The following POU6F2 variants were observed in gnomAD, a reference collection of about 807,000 sequenced individuals.
The protein encoded by POU6F2 is POU class 6 homeobox 2, also known as POU domain, class 6, transcription factor 2.
POU6F2 carries 31 observed loss-of-function variants against 71.3 expected under a neutral mutation model. The ratio of observed to expected loss-of-function variants is 0.43; its 90% confidence interval spans 0.33 to 0.59. POU6F2 has a LOEUF of 0.59. POU6F2 is among the 20% of genes least tolerant of loss of function. The probability of loss-of-function intolerance (pLI) is 0.04; values close to 1 mark genes in which losing one functional copy is unlikely to be tolerated. For synonymous variants in POU6F2, 347 were observed against 355.7 expected, an observed-to-expected ratio of 0.98 and a Z score of 0.27; for missense variants, 783 against 856.8, an observed-to-expected ratio of 0.91 and a Z score of 1.07.
intron 2 of POU6F2, among the ~76,000 whole-genome samples, chr7:39,195,141 A>G (rs144685443): frequency 2.0e-5 from 3 of 152,296 alleles, no homozygotes; most frequent in South Asian, 4.1e-4. Flanking sequence ...TCATATTCCT[A>G]TTGTCCCAAT....
At chr7:39,388,512 C>T (rs996124588) in intron 5 of POU6F2, among the ~76,000 whole-genome samples, 1 of 152,172 alleles carries the variant, frequency 6.6e-6, no homozygotes. Context: ...GACAGGGTTT[C>T]ACCACGTTGG....
At chr7:39,389,217 A>T (rs1411496417) in intron 5 of POU6F2, among the ~76,000 whole-genome samples, 1 of 151,892 alleles carries the variant, frequency 6.6e-6, no homozygotes, top group Non-Finnish European at 1.5e-5. Flanking sequence ...TAGCAACATG[A>T]CTATATCATG....
chr7:39,244,310 C>T (rs1783781734), intron 4 of POU6F2, among the ~76,000 whole-genome samples: 1 of 152,140 alleles, frequency 6.6e-6, no homozygotes, highest in South Asian at 2.1e-4. Context: ...GCCCACGCTG[C>T]AAAAACATCT....
intron 5 of POU6F2, among the ~76,000 whole-genome samples, chr7:39,363,344 A>G (rs933350300): frequency 1.3e-5 from 2 of 152,176 alleles, no homozygotes; most frequent in African/African-American, 4.8e-5. Context: ...GGTAAGGAAG[A>G]CAGTGAGAAG....
At chr7:39,415,018 T>A (rs111521387) in intron 6 of POU6F2, among the ~76,000 whole-genome samples, 1 of 79,272 alleles carries the variant, frequency 1.3e-5, no homozygotes, top group Non-Finnish European at 2.7e-5. Flanking sequence ...TCTTTTTAAA[T>A]TTTTTGTTTG....
Position 39,207,434 on chromosome 7 carries a change from G to C in POU6F2, c.412G>C (p.Val138Leu). 6.2e-7 allele frequency: 1 copy of C among 1,613,954 alleles called. No homozygotes were observed. The highest frequency in any genetic ancestry group is 1.1e-5 in the South Asian group (1 of 91,080). Reference sequence around the variant, plus strand: ...GCAGTTAGCTTCTGCTGTGGCCGGCGTGATGCCGGGAGGCCCCCCAGCCCT... The same window carrying C: ...GCAGTTAGCTTCTGCTGTGGCCGGCCTGATGCCGGGAGGCCCCCCAGCCCT... ...AQQLASAVAG[V>L]MPGGPPALNQ... Residue 138 changes from valine (V) to leucine (L), a missense_variant, in exon 4 of 10, where the codon GTG becomes CTG. Around this residue, in one of 2 missense-constraint regions of POU6F2, gnomAD observed 572 missense variants for 572.9 expected, o/e 1.00. Coordinates refer to ENST00000518318, the MANE Select transcript of POU6F2 (RefSeq NM_001370959.1).
chr7:39,220,144 G>T (rs760311212), intron 4 of POU6F2, among the ~76,000 whole-genome samples: 1 of 152,108 alleles, frequency 6.6e-6, no homozygotes, highest in African/African-American at 2.4e-5. Context: ...CAGCAGCCGC[G>T]ACTGGAGTTT....
intron 4 of POU6F2, among the ~76,000 whole-genome samples, chr7:39,220,426 C>G (rs928053973): frequency 2.6e-5 from 4 of 152,258 alleles, no homozygotes; most frequent in Admixed American, 2.6e-4. Context: ...TTTCCAGCCC[C>G]TTGACAAGAG....
chr7:39,199,993 T>C (rs1197433656), intron 2 of POU6F2, among the ~76,000 whole-genome samples: 1 of 152,200 alleles, frequency 6.6e-6, no homozygotes, highest in Non-Finnish European at 1.5e-5. Flanking sequence ...TATTATATTT[T>C]TAAAATTACC....
chr7:39,362,020 T>C (rs1225558195), intron 5 of POU6F2, among the ~76,000 whole-genome samples: 1 of 152,202 alleles, frequency 6.6e-6, no homozygotes, highest in Non-Finnish European at 1.5e-5. Flanking sequence ...CTGGCTGCCA[T>C]TATCTGGTGG....
chr7:39,317,601 T>G (rs1188506164), intron 4 of POU6F2, among the ~76,000 whole-genome samples: 2 of 152,222 alleles, frequency 1.3e-5, no homozygotes, highest in Admixed American at 6.5e-5. Context: ...TAAAAAGAAG[T>G]TTTTGGAGGC....
chr7:39,386,334 G>T (rs985100473), intron 5 of POU6F2, among the ~76,000 whole-genome samples: 1 of 152,034 alleles, frequency 6.6e-6, no homozygotes, highest in African/African-American at 2.4e-5. Flanking sequence ...TCTGCTTCTG[G>T]GTAAACACAC....
chr7:39,385,016 C>A (rs1044743845), intron 5 of POU6F2, among the ~76,000 whole-genome samples: 44 of 152,192 alleles, frequency 2.9e-4, no homozygotes, highest in African/African-American at 1.0e-3. Context: ...TGATTTATAA[C>A]CTGCCTGCAC....
chr7:39,074,749 G>C (rs979766031), intron 1 of POU6F2, among the ~76,000 whole-genome samples: 1 of 152,058 alleles, frequency 6.6e-6, no homozygotes, highest in Admixed American at 6.5e-5. Flanking sequence ...ATCTGATGAA[G>C]GCTAAGGAGC....
At chr7:39,143,418 A>C (rs1253155129) in intron 2 of POU6F2, among the ~76,000 whole-genome samples, 1 of 152,246 alleles carries the variant, frequency 6.6e-6, no homozygotes, top group Non-Finnish European at 1.5e-5. Context: ...GAAGAGTTGA[A>C]GCCAGGTCTA....
chr7:39,140,985 C>T (rs1459061931), intron 2 of POU6F2, among the ~76,000 whole-genome samples: 1 of 151,924 alleles, frequency 6.6e-6, no homozygotes, highest in Admixed American at 6.6e-5. Context: ...GCCTTGTGCT[C>T]CCTTTTGGGA....
chr7:39,425,469 G>T (rs1787947759), intron 6 of POU6F2, among the ~76,000 whole-genome samples: 1 of 151,946 alleles, frequency 6.6e-6, no homozygotes, highest in African/African-American at 2.4e-5. Context: ...CATAACTATT[G>T]TCCCTGTTGG....
chr7:39,044,800 T>TA (rs1217602673), intron 1 of POU6F2, among the ~76,000 whole-genome samples: 1 of 151,954 alleles, frequency 6.6e-6, no homozygotes, highest in African/African-American at 2.4e-5. Flanking sequence ...GAAGAAAAGA[T>TA]ATTTTTCCAT....
intron 2 of POU6F2, among the ~76,000 whole-genome samples, chr7:39,166,421 C>T (rs531786884): frequency 1.3e-5 from 2 of 152,314 alleles, no homozygotes; most frequent in East Asian, 3.9e-4. Context: ...TATTTGATCA[C>T]GTAAACTTTC....
Sources: gnomAD v4.1 joint callset for allele counts (sites outside exome capture counted in the v4.1 genomes callset) on GRCh38, gnomAD v4.1.1 for gene constraint, gnomAD v4.1.1 regional missense constraint, MANE v1.5 for transcripts, NCBI Gene and HGNC (gene_info 2026-07-23, HGNC 2026-07-21) for gene names.